Variants in MBNL1 observed in about 807,000 individuals in gnomAD.
MBNL1 encodes the protein muscleblind like splicing regulator 1, also known as muscleblind-like protein 1.
In MBNL1, 8 loss-of-function variants were observed where a neutral mutation model predicts 42.2. The ratio of observed to expected loss-of-function variants is 0.19; its 90% CI spans 0.11 to 0.34. The LOEUF (loss-of-function observed/expected upper bound fraction) is 0.34. Ranked by LOEUF, MBNL1 falls within the 10% of genes least tolerant of loss-of-function variation. The pLI is 1.00. For missense variants in MBNL1, 309 were observed against 495.3 expected, an observed-to-expected ratio of 0.62 and a Z score of 3.57; for synonymous variants, 169 against 173.9, an observed-to-expected ratio of 0.97 and a Z score of 0.22.
chr3:152,409,502 C>A (rs2098517104), intron 2 of MBNL1, among the ~76,000 whole-genome samples: 1 of 151,516 alleles, frequency 6.6e-6, no homozygotes, highest in African/African-American at 2.4e-5. Context: ...CAATAGCTAA[C>A]TACCAAACTT....
intron 2 of MBNL1, among the ~76,000 whole-genome samples, chr3:152,370,100 G>A (rs182205827): frequency 6.6e-6 from 1 of 151,614 alleles, no homozygotes; most frequent in East Asian, 1.9e-4. Context: ...ATTGTGATGG[G>A]GTATTGATTT....
chr3:152,283,234 T>G (rs2049545999), intron 1 of MBNL1, among the ~76,000 whole-genome samples: 1 of 152,176 alleles, frequency 6.6e-6, no homozygotes, highest in African/African-American at 2.4e-5. Context: ...GTGGGGAAAT[T>G]ATAAATTACC....
chr3:152,366,464 G>T (rs2096378851), intron 2 of MBNL1, among the ~76,000 whole-genome samples: 1 of 152,156 alleles, frequency 6.6e-6, no homozygotes, highest in Non-Finnish European at 1.5e-5. Flanking sequence ...GATACCCTCA[G>T]CACTTAATAA....
At chr3:152,354,693 A>G in intron 2 of MBNL1, among the ~76,000 whole-genome samples, 1 of 152,060 alleles carries the variant, frequency 6.6e-6, no homozygotes, top group East Asian at 1.9e-4. Flanking sequence ...AGAATAAAAT[A>G]GGGCACATAT....
At chr3:152,363,605 A>G (rs2096150860) in intron 2 of MBNL1, among the ~76,000 whole-genome samples, 1 of 152,196 alleles carries the variant, frequency 6.6e-6, no homozygotes, top group Non-Finnish European at 1.5e-5. Flanking sequence ...TCACTTACCA[A>G]ATGCTGAGCG....
intron 2 of MBNL1, among the ~76,000 whole-genome samples, chr3:152,314,981 G>A (rs1444598558): frequency 6.6e-6 from 1 of 152,094 alleles, no homozygotes; most frequent in Non-Finnish European, 1.5e-5. Flanking sequence ...ATTGATTATT[G>A]CCCATTCTGT....
intron 2 of MBNL1, among the ~76,000 whole-genome samples, chr3:152,378,208 G>T (rs117530869): frequency 2.0e-4 from 30 of 152,028 alleles, no homozygotes; most frequent in Non-Finnish European, 4.3e-4. Flanking sequence ...AATTCACTAG[G>T]TGTGTTTTCT....
intron 2 of MBNL1, among the ~76,000 whole-genome samples, chr3:152,362,618 A>G (rs2096061239): frequency 6.6e-6 from 1 of 152,150 alleles, no homozygotes; most frequent in Admixed American, 6.6e-5. Flanking sequence ...TGTGCATTGT[A>G]GAATGCTTAC....
intron 4 of MBNL1, among the ~76,000 whole-genome samples, chr3:152,436,987 A>G (rs79879613): frequency 0.013 from 1,940 of 152,304 alleles, 20 homozygotes; most frequent in South Asian, 0.025. Context: ...TCAGAGGCTT[A>G]TCTTTCTGCT....
At chr3:152,411,708 A>G (rs1439458007) in intron 2 of MBNL1, among the ~76,000 whole-genome samples, 1 of 152,192 alleles carries the variant, frequency 6.6e-6, no homozygotes, top group Non-Finnish European at 1.5e-5. Context: ...TTTAAAATGT[A>G]ATGTCATTGT....
intron 2 of MBNL1, among the ~76,000 whole-genome samples, chr3:152,332,412 C>T (rs962284549): frequency 7.9e-5 from 12 of 152,174 alleles, no homozygotes; most frequent in Non-Finnish European, 1.5e-4. Flanking sequence ...CAATATATAA[C>T]ATGACTACCC....
intron 1 of MBNL1, among the ~76,000 whole-genome samples, chr3:152,293,488 C>T (rs1048861128): frequency 1.3e-5 from 2 of 152,194 alleles, no homozygotes; most frequent in Non-Finnish European, 2.9e-5. Flanking sequence ...TACTAAAGAA[C>T]TGCATTGCTA....
At chr3:152,355,410 A>G (rs2095442515) in intron 2 of MBNL1, among the ~76,000 whole-genome samples, 1 of 152,242 alleles carries the variant, frequency 6.6e-6, no homozygotes, top group East Asian at 1.9e-4. Context: ...ATTTTACACA[A>G]ATAAAAATCA....
At chr3:152,248,981 T>G (rs1301969898) in intron 2 of MBNL1, among the ~76,000 whole-genome samples, 10 of 151,828 alleles carry the variant, frequency 6.6e-5, no homozygotes, top group African/African-American at 1.9e-4. Flanking sequence ...TATTCCATGG[T>G]GTATATGTGC....
At chr3:152,328,962 C>A (rs369568828) in intron 2 of MBNL1, among the ~76,000 whole-genome samples, 1 of 151,660 alleles carries the variant, frequency 6.6e-6, no homozygotes, top group African/African-American at 2.4e-5. Flanking sequence ...CCAAGGGAGA[C>A]GGTAGTAAAA....
intron 8 of MBNL1, among the ~76,000 whole-genome samples, chr3:152,456,886 A>T (rs1186402407): frequency 6.6e-6 from 1 of 152,196 alleles, no homozygotes; most frequent in South Asian, 2.1e-4. Flanking sequence ...AATTGTTTGC[A>T]TGTAGCATTT....
At chr3:152,320,065 T>C (rs1481501527) in intron 2 of MBNL1, among the ~76,000 whole-genome samples, 1 of 152,178 alleles carries the variant, frequency 6.6e-6, no homozygotes, top group Admixed American at 6.6e-5. Context: ...TCCTTAAGAA[T>C]GAGAAGCTTG....
intron 3 of MBNL1, among the ~76,000 whole-genome samples, chr3:152,427,917 TA>T (rs942239364): frequency 2.6e-5 from 4 of 151,770 alleles, no homozygotes; most frequent in African/African-American, 9.7e-5. Flanking sequence ...ATACTCCCTC[TA>T]TTTTTTTTTT....
chr3:152,438,082 A>G (rs573230614), intron 4 of MBNL1, among the ~76,000 whole-genome samples: 75 of 152,324 alleles, frequency 4.9e-4, no homozygotes, highest in Non-Finnish European at 9.0e-4. Context: ...CCCCTGCTTT[A>G]CTACAAAGAG....
Sources: gnomAD v4.1 joint callset for allele counts (sites outside exome capture counted in the v4.1 genomes callset) on GRCh38, gnomAD v4.1.1 for gene constraint, MANE v1.5 for transcripts, NCBI Gene and HGNC (gene_info 2026-07-23, HGNC 2026-07-21) for gene names.